The following MMP16 variants were observed in gnomAD, a reference collection of about 807,000 sequenced individuals.
MMP16 encodes the protein matrix metallopeptidase 16.
MMP16 carries 12 observed loss-of-function variants against 67.8 expected under a neutral mutation model. That is an observed-to-expected ratio of 0.18 (90% CI 0.11 to 0.29). The LOEUF is 0.29. Ranked by LOEUF, MMP16 falls within the 10% of genes least tolerant of loss-of-function variation. The pLI is 1.00. For missense variants in MMP16, 475 were observed against 765.7 expected, an observed-to-expected ratio of 0.62 and a Z score of 4.48; for synonymous variants, 249 against 255.9, an observed-to-expected ratio of 0.97 and a Z score of 0.26.
rs1441360228 is a variant in MMP16 at position 88,038,083 on chromosome 8, T to C, written c.*3378A>G. On this transcript the variant is annotated 3_prime_UTR_variant, in exon 10 of 10. Transcript: ENST00000286614. This position sits in a 1 kb window ranked among gnomAD's most constrained non-coding sequence, Gnocchi z 4.1. ...TATTCTTATGTGCTAGATGAATTAC[T>C]TTCCCTTTCACTGTTCCATTTGGTT... 1 of 152,024 alleles carries C rather than the reference T, an allele frequency of 6.6e-6. No individual in the cohort carries two copies. Among genetic ancestry groups the C allele is most frequent in the Non-Finnish European group, 1.5e-5 (1 of 67,918 alleles). The allele number at this position is 152,024 out of a possible 1,614,324, so 9.4% of individuals were successfully genotyped here.
chr8:88,250,348 G>C (rs1417299099), intron 1 of MMP16, among the ~76,000 whole-genome samples: 1 of 151,972 alleles, frequency 6.6e-6, no homozygotes, highest in Non-Finnish European at 1.5e-5. Flanking sequence ...CTACGTACTT[G>C]ACACTCTGAA....
At chr8:88,324,196 T>A (rs557867541) in intron 1 of MMP16, among the ~76,000 whole-genome samples, 1 of 152,300 alleles carries the variant, frequency 6.6e-6, no homozygotes, top group South Asian at 2.1e-4. Context: ...TGTTCCTTTT[T>A]GCTTCTTAAA....
At chr8:88,072,122 A>G (rs1808567218) in intron 7 of MMP16, among the ~76,000 whole-genome samples, 1 of 152,172 alleles carries the variant, frequency 6.6e-6, no homozygotes, top group Non-Finnish European at 1.5e-5. Flanking sequence ...CTCATGGCCC[A>G]TAGAGCAAAA....
chr8:88,144,581 G>T (rs56750616), intron 4 of MMP16, among the ~76,000 whole-genome samples: 12,331 of 151,656 alleles, frequency 0.081, 536 homozygotes, highest in African/African-American at 0.11. Context: ...AATTTATATA[G>T]AGAGAGACTA....
chr8:88,065,706 T>C (rs1449176701), intron 7 of MMP16, among the ~76,000 whole-genome samples: 2 of 152,140 alleles, frequency 1.3e-5, no homozygotes, highest in African/African-American at 2.4e-5. Context: ...TATTGTACTA[T>C]GTAAGAAACA....
chr8:88,115,722 A>T (rs1236333481), intron 6 of MMP16, among the ~76,000 whole-genome samples: 1 of 151,956 alleles, frequency 6.6e-6, no homozygotes, highest in African/African-American at 2.4e-5. Context: ...CTCTTTTAAT[A>T]CTCTACTGCC....
At chr8:88,145,220 T>C (rs1470862130) in intron 4 of MMP16, among the ~76,000 whole-genome samples, 1 of 151,956 alleles carries the variant, frequency 6.6e-6, no homozygotes, top group Admixed American at 6.6e-5. Flanking sequence ...CTAGGCTATA[T>C]GGTATAGCCT....
At chr8:88,148,880 G>C (rs1586175396) in intron 4 of MMP16, among the ~76,000 whole-genome samples, 1 of 152,188 alleles carries the variant, frequency 6.6e-6, no homozygotes, top group Admixed American at 6.5e-5. Flanking sequence ...AATAGGAACA[G>C]CTCCGGTCTA....
chr8:88,314,830 C>T (rs1235636935), intron 1 of MMP16, among the ~76,000 whole-genome samples: 1 of 152,176 alleles, frequency 6.6e-6, no homozygotes, highest in Non-Finnish European at 1.5e-5. Context: ...GGGCAGATCT[C>T]TGGTGTTTTT....
chr8:88,298,308 A>G (rs1232268367), intron 1 of MMP16, among the ~76,000 whole-genome samples: 1 of 152,230 alleles, frequency 6.6e-6, no homozygotes, highest in African/African-American at 2.4e-5. Context: ...TGTGACTATC[A>G]AAGTGTAGAC....
At chr8:88,260,993 G>A (rs1353415921) in intron 1 of MMP16, among the ~76,000 whole-genome samples, 3 of 152,084 alleles carry the variant, frequency 2.0e-5, no homozygotes, top group Non-Finnish European at 4.4e-5. Context: ...ACTTTAACAA[G>A]TATCTTGTAC....
intron 6 of MMP16, among the ~76,000 whole-genome samples, chr8:88,107,808 A>T (rs1809268035): frequency 6.6e-6 from 1 of 151,210 alleles, no homozygotes; most frequent in Non-Finnish European, 1.5e-5. Context: ...AACAAAAAAC[A>T]TAAATACACT....
chr8:88,274,640 T>C (rs546958933), intron 1 of MMP16, among the ~76,000 whole-genome samples: 1 of 152,176 alleles, frequency 6.6e-6, no homozygotes, highest in African/African-American at 2.4e-5. Context: ...ACAAATGCAC[T>C]GCCCAATGTA....
intron 9 of MMP16, among the ~76,000 whole-genome samples, chr8:88,045,348 T>A (rs973846712): frequency 6.6e-6 from 1 of 151,994 alleles, no homozygotes; most frequent in African/African-American, 2.4e-5. Flanking sequence ...TTTTCTTTCT[T>A]TCTTTTTCTT....
At chr8:88,294,489 T>C (rs893719611) in intron 1 of MMP16, among the ~76,000 whole-genome samples, 2 of 150,410 alleles carry the variant, frequency 1.3e-5, no homozygotes, top group African/African-American at 4.9e-5. Context: ...TATGTCTCTA[T>C]ACACACATAT....
At position 88,046,798 on chromosome 8, in the gene MMP16, AAAC is replaced by A. The variant is rs761516388; in HGVS notation, c.1374-17_1374-15del. On this transcript the variant is annotated splice_polypyrimidine_tract_variant and intron_variant, in intron 8 of 9. Transcript: ENST00000286614. Reference sequence around the variant, plus strand: ...TATCTCCAATATCTACAAAGGATAAAAACAACAACAACAAACACAATAACACAC... The same window carrying A: ...TATCTCCAATATCTACAAAGGATAAAAACAACAACAAACACAATAACACAC... The A allele has an allele frequency of 1.9e-5, 29 of 1,496,594 alleles. No homozygotes were observed. The highest frequency in any genetic ancestry group is 3.5e-4 in the Middle Eastern group (2 of 5,734). 92.7% of individuals were successfully genotyped at this position (1,496,594 alleles called of 1,614,324 possible).
At position 88,074,836 on chromosome 8, in the gene MMP16, T is replaced by G. The variant is rs1242990551; in HGVS notation, c.1084-93A>C. The G allele has an allele frequency of 2.8e-6, 4 of 1,443,772 alleles. No individual in the cohort carries two copies. In the Admixed American group the frequency reaches 8.7e-5, roughly 32 times the overall value. The allele number at this position is 1,443,772 out of a possible 1,614,324, so 89.4% of individuals were successfully genotyped here. ...CTGGACGCTTTTGAAATCAAGCTGG[T>G]TTCCTTATTTATTGTCTTACATTAA... On this transcript the variant is annotated intron_variant, in intron 6 of 9. Transcript: ENST00000286614.
chr8:88,219,190 C>T (rs186084512), intron 1 of MMP16, among the ~76,000 whole-genome samples: 14 of 151,866 alleles, frequency 9.2e-5, no homozygotes, highest in South Asian at 6.2e-4. Context: ...GACAAATTAG[C>T]GACAGAATAG....
chr8:88,235,516 AT>A (rs1484568650), intron 1 of MMP16, among the ~76,000 whole-genome samples: 1 of 152,066 alleles, frequency 6.6e-6, no homozygotes, highest in Non-Finnish European at 1.5e-5. Flanking sequence ...TTTGAGAAAA[AT>A]AGTACAGGGT....
Sources: gnomAD v4.1 joint callset for allele counts (sites outside exome capture counted in the v4.1 genomes callset) on GRCh38, gnomAD v4.1.1 for gene constraint, Gnocchi (gnomAD v3.1) non-coding constraint, MANE v1.5 for transcripts, NCBI Gene and HGNC (gene_info 2026-07-23, HGNC 2026-07-21) for gene names.